GPATCH2: variants seen among roughly 807,000 people sequenced by gnomAD.
GPATCH2 encodes G-patch domain containing 2, also known as G patch domain-containing protein 2.
Under a neutral mutation model 58.0 loss-of-function variants are expected in GPATCH2, and 51 were observed. The ratio of observed to expected loss-of-function variants is 0.88; its 90% confidence interval spans 0.70 to 1.11. The LOEUF (loss-of-function observed/expected upper bound fraction) is 1.11, where lower values mean the gene tolerates loss of function less well. Ranked by LOEUF, GPATCH2 falls within the 50% of genes most tolerant of loss-of-function variation. The probability of loss-of-function intolerance (pLI) is 0.00; values close to 1 mark genes in which losing one functional copy is unlikely to be tolerated. For synonymous variants in GPATCH2, 222 were observed against 218.5 expected (o/e 1.02, Z -0.14); for missense variants, 625 against 652.2 (o/e 0.96, Z 0.45).
intron 5 of GPATCH2, among the ~76,000 whole-genome samples, chr1:217,549,799 C>T: frequency 6.6e-6 from 1 of 151,986 alleles, no homozygotes; most frequent in East Asian, 1.9e-4. Flanking sequence ...ACTAACAGGT[C>T]TTATGCAAAG....
intron 5 of GPATCH2, among the ~76,000 whole-genome samples, chr1:217,543,952 T>C (rs61661939): frequency 0.015 from 2,267 of 152,302 alleles, 66 homozygotes; most frequent in African/African-American, 0.051. Flanking sequence ...ATTGCTTCTG[T>C]AATGTGAATG....
intron 2 of GPATCH2, among the ~76,000 whole-genome samples, chr1:217,617,781 A>T (rs916580760): frequency 6.6e-6 from 1 of 152,176 alleles, no homozygotes; most frequent in South Asian, 2.1e-4. Flanking sequence ...ACATTTATTC[A>T]AGAGTAAAAA....
At chr1:217,484,574 A>ATT (rs1553328502) in intron 8 of GPATCH2, among the ~76,000 whole-genome samples, 1 of 146,958 alleles carries the variant, frequency 6.8e-6, no homozygotes. Flanking sequence ...ATATATATAT[A>ATT]TATGATGCAC....
intron 5 of GPATCH2, among the ~76,000 whole-genome samples, chr1:217,595,410 C>G (rs953479818): frequency 9.2e-5 from 14 of 152,098 alleles, no homozygotes; most frequent in African/African-American, 3.4e-4. Flanking sequence ...ATCACTATAG[C>G]TCTAGCTGAA....
chr1:217,568,104 A>G (rs1167297349), intron 5 of GPATCH2, among the ~76,000 whole-genome samples: 3 of 152,282 alleles, frequency 2.0e-5, no homozygotes, highest in Admixed American at 6.5e-5. Flanking sequence ...GCGATAGAGC[A>G]AGACTCCGTC....
rs1406689990 is a variant in GPATCH2, at chr1:217,510,959, G to A, written c.1166+3863C>T. 5.3e-5 allele frequency among the ~76,000 whole-genome samples: 8 copies of A among 151,960 alleles called. No individual in the cohort carries two copies. The East Asian group carries it at 5.8e-4, about 11-fold the overall frequency. On this transcript the variant is annotated intron_variant, in intron 6 of 9. Transcript: ENST00000366935. ...AAAATACAAAAAAAATTATCTGGGC[G>A]TGGTGGCGCACGCCTGTAGTCCCAG...
Position 217,457,465 on chromosome 1 carries a change from A to G in GPATCH2, c.1278-8128T>C, listed in dbSNP as rs534227178. Among the ~76,000 whole-genome samples the G allele has an allele frequency of 3.9e-5, 6 of 152,346 alleles. No homozygotes were observed. The East Asian group carries it at 1.2e-3, about 29-fold the overall frequency. On this transcript the variant is annotated intron_variant, in intron 8 of 9. Transcript: ENST00000366935. ...CGTATATATTCAATAACTGTTAGCT[A>G]TTACTCTTACTATTATTATCATCCC...
At chr1:217,608,968 CT>C (rs1668492888) in intron 5 of GPATCH2, 31 of 984,042 alleles carry the variant, frequency 3.2e-5, no homozygotes, top group Non-Finnish European at 3.6e-5. Flanking sequence ...ACTTTAAAAA[CT>C]TTAGGTAAAA....
intron 8 of GPATCH2, among the ~76,000 whole-genome samples, chr1:217,478,173 A>C (rs1298486915): frequency 6.6e-6 from 1 of 152,148 alleles, no homozygotes; most frequent in Admixed American, 6.5e-5. Context: ...AAGCCTTTGC[A>C]AGAAAGATGG....
intron 5 of GPATCH2, among the ~76,000 whole-genome samples, chr1:217,525,003 T>C (rs952738569): frequency 1.4e-5 from 2 of 139,778 alleles, no homozygotes; most frequent in African/African-American, 5.2e-5. Flanking sequence ...GTGGGAAAAT[T>C]TGGAATTTTT....
chr1:217,529,328 G>C (rs1664073874), intron 5 of GPATCH2, among the ~76,000 whole-genome samples: 1 of 152,074 alleles, frequency 6.6e-6, no homozygotes, highest in Admixed American at 6.5e-5. Flanking sequence ...TGGGAGGTGG[G>C]GCCTAGTTGG....
At chr1:217,624,948 A>G (rs961860470) in intron 1 of GPATCH2, among the ~76,000 whole-genome samples, 1 of 152,208 alleles carries the variant, frequency 6.6e-6, no homozygotes, top group African/African-American at 2.4e-5. Flanking sequence ...ATACCCCAAA[A>G]CAAAATTATG....
intron 9 of GPATCH2, 21 bp downstream of exon 9, chr1:217,449,228 C>A: frequency 7.4e-7 from 1 of 1,346,220 alleles, no homozygotes; most frequent in Non-Finnish European, 1.1e-6. Context: ...GTGCTCCACT[C>A]TAACCCTGCT....
At chr1:217,553,709 T>C (rs1665471786) in intron 5 of GPATCH2, among the ~76,000 whole-genome samples, 1 of 152,186 alleles carries the variant, frequency 6.6e-6, no homozygotes, top group Non-Finnish European at 1.5e-5. Flanking sequence ...CCTCACATGA[T>C]TCAAGGTTTC....
chr1:217,573,355 A>G (rs1284271286), intron 5 of GPATCH2, among the ~76,000 whole-genome samples: 1 of 152,182 alleles, frequency 6.6e-6, no homozygotes, highest in Middle Eastern at 3.2e-3. Context: ...ACTTGGAAAA[A>G]AAAAATCAAA....
At chr1:217,542,477 G>A (rs756736268) in intron 5 of GPATCH2, among the ~76,000 whole-genome samples, 5 of 152,128 alleles carry the variant, frequency 3.3e-5, no homozygotes, top group Non-Finnish European at 5.9e-5. Context: ...CCTCTTTTTG[G>A]GGTGGGGGAA....
intron 8 of GPATCH2, among the ~76,000 whole-genome samples, chr1:217,480,621 C>A (rs1661171278): frequency 6.6e-6 from 1 of 152,146 alleles, no homozygotes; most frequent in Admixed American, 6.5e-5. Flanking sequence ...ACCATATGAT[C>A]CAGCAATCCC....
At chr1:217,606,496 G>A (rs888234798) in intron 5 of GPATCH2, among the ~76,000 whole-genome samples, 2 of 152,078 alleles carry the variant, frequency 1.3e-5, no homozygotes, top group African/African-American at 2.4e-5. Context: ...GGTGCTTCAC[G>A]CCTGTAATCC....
chr1:217,439,690 C>A (rs1659041117), intron 9 of GPATCH2, among the ~76,000 whole-genome samples: 1 of 152,194 alleles, frequency 6.6e-6, no homozygotes, highest in South Asian at 2.1e-4. Context: ...GATATCACCA[C>A]TGATCCCACA....
Sources: gnomAD v4.1 joint callset for allele counts (sites outside exome capture counted in the v4.1 genomes callset) on GRCh38, gnomAD v4.1.1 for gene constraint, MANE v1.5 for transcripts, NCBI Gene and HGNC (gene_info 2026-07-23, HGNC 2026-07-21) for gene names.